Variants in CFAP299 observed in about 807,000 individuals in gnomAD.
CFAP299 encodes cilia- and flagella-associated protein 299.
In CFAP299, 21 loss-of-function variants were observed where a neutral mutation model predicts 27.0. The ratio of observed to expected loss-of-function variants is 0.78; its 90% CI spans 0.55 to 1.12. The LOEUF is 1.12. Among genes scored for constraint, CFAP299 ranks in the 50% most tolerant of loss-of-function variants. The pLI, the probability that CFAP299 is intolerant of heterozygous loss-of-function variation, is 0.00. For synonymous variants in CFAP299, 104 were observed against 98.1 expected (o/e 1.06, Z -0.36); for missense variants, 310 against 276.6 (o/e 1.12, Z -0.86).
intron 2 of CFAP299, among the ~76,000 whole-genome samples, chr4:80,566,738 A>C (rs988489007): frequency 1.3e-5 from 2 of 152,070 alleles, no homozygotes; most frequent in African/African-American, 2.4e-5. Flanking sequence ...TATAACCAGC[A>C]GGTCAGGAAG....
chr4:80,463,940 C>T (rs1343878727), intron 2 of CFAP299, among the ~76,000 whole-genome samples: 3 of 152,112 alleles, frequency 2.0e-5, no homozygotes, highest in Admixed American at 6.6e-5. Flanking sequence ...CTTCATTATC[C>T]ACAAAAGTCT....
intron 2 of CFAP299, among the ~76,000 whole-genome samples, chr4:80,414,675 T>C (rs1290117906): frequency 2.0e-5 from 3 of 152,172 alleles, no homozygotes; most frequent in African/African-American, 7.2e-5. Context: ...TAAAGTATTG[T>C]CAAGGGTCAT....
intron 3 of CFAP299, among the ~76,000 whole-genome samples, chr4:80,661,458 A>G (rs997954751): frequency 8.1e-4 from 123 of 152,228 alleles, no homozygotes; most frequent in African/African-American, 2.8e-3. Context: ...TAATACTTTT[A>G]TAATTTCTTA....
At chr4:80,558,741 A>G (rs1437982203) in intron 2 of CFAP299, among the ~76,000 whole-genome samples, 3 of 151,992 alleles carry the variant, frequency 2.0e-5, no homozygotes, top group Non-Finnish European at 4.4e-5. Flanking sequence ...AGATTAAAAA[A>G]CCTTATAAAG....
chr4:80,804,839 T>C (rs977707291), intron 3 of CFAP299, among the ~76,000 whole-genome samples: 1 of 152,164 alleles, frequency 6.6e-6, no homozygotes, highest in African/African-American at 2.4e-5. Context: ...TTTCTGTCTT[T>C]TTGACTGGAG....
At chr4:80,631,987 G>GC (rs1739237671) in intron 3 of CFAP299, among the ~76,000 whole-genome samples, 3 of 150,822 alleles carry the variant, frequency 2.0e-5, no homozygotes, top group Admixed American at 6.7e-5. Flanking sequence ...ACAAATTTGT[G>GC]CCCTTATAAA....
intron 4 of CFAP299, among the ~76,000 whole-genome samples, chr4:80,925,993 A>T (rs1049622514): frequency 3.9e-5 from 6 of 152,052 alleles, no homozygotes; most frequent in African/African-American, 1.4e-4. Flanking sequence ...TTTGTTCCAG[A>T]ACTTGGAATA....
chr4:80,614,759 A>G, intron 3 of CFAP299, among the ~76,000 whole-genome samples: 1 of 151,842 alleles, frequency 6.6e-6, no homozygotes, highest in East Asian at 1.9e-4. Context: ...CAATGAATTA[A>G]TCTCATTTAT....
At position 80,843,861 on chromosome 4, in the gene CFAP299, T is replaced by A. The variant is rs570728812; in HGVS notation, c.334-26132T>A. The stretch of plus-strand genomic sequence containing the variant: ...GTGCCATGTTGGTGCGCCGCACCCA[T>A]TAACTCGTCATTTAGCATTAGGTAT... On this transcript the variant is annotated intron_variant, in intron 3 of 5. Coordinates refer to ENST00000358105, the MANE Select transcript of CFAP299 (RefSeq NM_152770.3). Among the ~76,000 whole-genome samples the A allele has an allele frequency of 2.0e-5, 3 of 152,216 alleles. No homozygotes were observed. In the East Asian group the frequency reaches 5.8e-4, roughly 29 times the overall value.
chr4:80,943,143 G>C (rs1208533925), intron 4 of CFAP299, among the ~76,000 whole-genome samples: 1 of 152,186 alleles, frequency 6.6e-6, no homozygotes, highest in Non-Finnish European at 1.5e-5. Flanking sequence ...TTCTTAGGGA[G>C]AATTGACTAA....
rs554337405 is a variant in CFAP299 at position 80,897,334 on chromosome 4, C to T, written c.476+27199C>T. Among the ~76,000 whole-genome samples, 10 of 152,238 alleles carry T rather than the reference C, an allele frequency of 6.6e-5. No individual in the cohort carries two copies. In the South Asian group the frequency reaches 1.9e-3, roughly 28 times the overall value. ...TAAGCTGTGCCTGGCATTGGGAATT[C>T]AGCAATTGACAGGAATGGTTAGCTT... On this transcript the variant is annotated intron_variant, in intron 4 of 5. Transcript: ENST00000358105.
At chr4:80,558,554 T>G (rs1734894708) in intron 2 of CFAP299, among the ~76,000 whole-genome samples, 1 of 152,040 alleles carries the variant, frequency 6.6e-6, no homozygotes, top group Non-Finnish European at 1.5e-5. Context: ...AGGTTAACTC[T>G]TGACTCAGAA....
intron 4 of CFAP299, among the ~76,000 whole-genome samples, chr4:80,926,385 G>T (rs904907527): frequency 1.3e-4 from 20 of 151,978 alleles, no homozygotes; most frequent in Admixed American, 4.6e-4. Flanking sequence ...ATTGCAAGAG[G>T]ATGATGGATG....
At chr4:80,814,381 A>G (rs1283781490) in intron 3 of CFAP299, among the ~76,000 whole-genome samples, 1 of 152,078 alleles carries the variant, frequency 6.6e-6, no homozygotes, top group East Asian at 1.9e-4. Context: ...GGACATGAGT[A>G]TCATAATGTC....
At chr4:80,459,496 A>G (rs574927989) in intron 2 of CFAP299, among the ~76,000 whole-genome samples, 219 of 152,248 alleles carry the variant, frequency 1.4e-3, no homozygotes, top group African/African-American at 4.9e-3. Flanking sequence ...ACTTCCTTTC[A>G]TTCCTTCTCT....
intron 2 of CFAP299, among the ~76,000 whole-genome samples, chr4:80,511,832 C>A (rs1180436714): frequency 6.6e-6 from 1 of 152,048 alleles, no homozygotes. Context: ...ATAACAGGCC[C>A]TCTTCTCTTT....
chr4:80,565,174 C>G (rs2110226753), intron 2 of CFAP299, among the ~76,000 whole-genome samples: 1 of 152,024 alleles, frequency 6.6e-6, no homozygotes, highest in Admixed American at 6.6e-5. Context: ...CATGAAATGA[C>G]CTATACACAA....
chr4:80,594,824 A>T (rs1398709135), intron 3 of CFAP299, among the ~76,000 whole-genome samples: 1 of 152,174 alleles, frequency 6.6e-6, no homozygotes, highest in Non-Finnish European at 1.5e-5. Flanking sequence ...TTGTTCATTA[A>T]CATTTAAGAA....
intron 3 of CFAP299, among the ~76,000 whole-genome samples, chr4:80,615,887 C>G (rs1252304932): frequency 1.3e-5 from 2 of 152,150 alleles, no homozygotes; most frequent in African/African-American, 2.4e-5. Flanking sequence ...TTCTGGCCCT[C>G]AATACCTCCT....
Sources: gnomAD v4.1 joint callset for allele counts (sites outside exome capture counted in the v4.1 genomes callset) on GRCh38, gnomAD v4.1.1 for gene constraint, MANE v1.5 for transcripts, NCBI Gene and HGNC (gene_info 2026-07-23, HGNC 2026-07-21) for gene names.